The following FHIT variants were observed in gnomAD, a reference collection of about 807,000 sequenced individuals.
FHIT encodes the protein bis(5'-adenosyl)-triphosphatase.
Under a neutral mutation model 17.9 loss-of-function variants are expected in FHIT, and 19 were observed. The observed-to-expected ratio is 1.06, with a 90% confidence interval of 0.74 to 1.56. The LOEUF is 1.56. FHIT is among the 40% of genes most tolerant of loss of function. The pLI, the probability that FHIT is intolerant of heterozygous loss-of-function variation, is 0.00. For synonymous variants in FHIT, 81 were observed against 69.7 expected (o/e 1.16, Z -0.81); for missense variants, 248 against 189.2 (o/e 1.31, Z -1.82).
chr3:61,126,047 A>G (rs898548077), intron 2 of FHIT, among the ~76,000 whole-genome samples: 2 of 152,140 alleles, frequency 1.3e-5, no homozygotes, highest in African/African-American at 4.8e-5. Flanking sequence ...AACAGTGTGG[A>G]GCTGGGGCTG....
At chr3:60,271,780 A>G (rs977918865) in intron 5 of FHIT, among the ~76,000 whole-genome samples, 5 of 152,210 alleles carry the variant, frequency 3.3e-5, no homozygotes, top group Admixed American at 1.3e-4. Flanking sequence ...TGCAGACTCA[A>G]CATGGCATAA....
At chr3:60,223,893 C>T (rs773965250) in intron 5 of FHIT, among the ~76,000 whole-genome samples, 220 of 152,188 alleles carry the variant, frequency 1.4e-3, no homozygotes, top group Non-Finnish European at 2.7e-3. Flanking sequence ...ATTCTCAAAG[C>T]GGAGTCAAGT....
intron 4 of FHIT, among the ~76,000 whole-genome samples, chr3:60,647,920 T>C (rs1553687202): frequency 6.6e-6 from 1 of 152,094 alleles, no homozygotes; most frequent in African/African-American, 2.4e-5. Context: ...TTATAATCAA[T>C]GCAATAATAG....
At chr3:59,811,970 C>T (rs143173329) in intron 8 of FHIT, among the ~76,000 whole-genome samples, 4 of 152,268 alleles carry the variant, frequency 2.6e-5, no homozygotes, top group Admixed American at 6.5e-5. Context: ...CATCCTACCC[C>T]GTGGCAGCTC....
chr3:61,192,969 G>A (rs1429763203), intron 2 of FHIT, among the ~76,000 whole-genome samples: 2 of 151,988 alleles, frequency 1.3e-5, no homozygotes, highest in African/African-American at 2.4e-5. Flanking sequence ...GTTCCCTTTC[G>A]CATCTCAAAA....
At chr3:60,643,886 G>A (rs1206903651) in intron 4 of FHIT, among the ~76,000 whole-genome samples, 2 of 152,144 alleles carry the variant, frequency 1.3e-5, no homozygotes, top group Admixed American at 6.5e-5. Flanking sequence ...ATTTGTGAGG[G>A]TAACTATGAG....
At position 60,244,721 on chromosome 3, in the gene FHIT, C is replaced by G. The variant is rs116701191; in HGVS notation, c.104-230569G>C. Among the ~76,000 whole-genome samples, 1,153 of 152,180 alleles carry G rather than the reference C, an allele frequency of 7.6e-3. 10 individuals carry two copies. The highest frequency in any genetic ancestry group is 0.026 in the African/African-American group (1,076 of 41,532). On this transcript the variant is annotated intron_variant, in intron 5 of 9. Transcript: ENST00000492590. The stretch of plus-strand genomic sequence containing the variant: ...CCACACGTGTTGCTTGTTTATGAGA[C>G]AGAGACTACAAACATCTTGAATGGG...
intron 5 of FHIT, among the ~76,000 whole-genome samples, chr3:60,043,289 A>G (rs1701518283): frequency 6.6e-6 from 1 of 152,236 alleles, no homozygotes; most frequent in Non-Finnish European, 1.5e-5. Flanking sequence ...AATACTTTTA[A>G]TATAATTCTG....
intron 8 of FHIT, among the ~76,000 whole-genome samples, chr3:59,778,815 AG>A (rs1702446418): frequency 6.6e-6 from 1 of 152,180 alleles, no homozygotes; most frequent in African/African-American, 2.4e-5. Context: ...ATTTACCTTA[AG>A]TTTTCTAAAG....
At chr3:60,928,701 C>T (rs372534088) in intron 3 of FHIT, among the ~76,000 whole-genome samples, 5 of 151,932 alleles carry the variant, frequency 3.3e-5, no homozygotes, top group Admixed American at 6.6e-5. Flanking sequence ...CAATAACAGG[C>T]TCTGAAATTG....
intron 4 of FHIT, among the ~76,000 whole-genome samples, chr3:60,611,604 T>C (rs1223636769): frequency 2.0e-5 from 3 of 152,168 alleles, no homozygotes; most frequent in Non-Finnish European, 4.4e-5. Flanking sequence ...GTTGTTTACA[T>C]AGTATTTTGC....
intron 2 of FHIT, among the ~76,000 whole-genome samples, chr3:61,135,922 A>G (rs1451102595): frequency 6.6e-6 from 1 of 152,220 alleles, no homozygotes; most frequent in Non-Finnish European, 1.5e-5. Context: ...GGGAAAAACT[A>G]AAAGCATCTA....
At chr3:60,309,995 C>T (rs1041620046) in intron 5 of FHIT, among the ~76,000 whole-genome samples, 8 of 152,088 alleles carry the variant, frequency 5.3e-5, no homozygotes, top group Non-Finnish European at 8.8e-5. Context: ...GACAAGGACA[C>T]GTCTTCACAG....
intron 7 of FHIT, among the ~76,000 whole-genome samples, chr3:59,950,078 T>C (rs13063413): frequency 0.33 from 50,274 of 152,064 alleles, 10,159 homozygotes; most frequent in East Asian, 0.53. Context: ...TGGGTCTTAA[T>C]GTCCTTATTG....
At chr3:60,321,060 C>A (rs6786355) in intron 5 of FHIT, among the ~76,000 whole-genome samples, 2,519 of 152,246 alleles carry the variant, frequency 0.017, 54 homozygotes, top group African/African-American at 0.057. Context: ...ATCACAGATA[C>A]CGAAAACATG....
intron 1 of FHIT, among the ~76,000 whole-genome samples, chr3:61,206,752 T>C (rs968481226): frequency 6.6e-6 from 1 of 152,060 alleles, no homozygotes; most frequent in Non-Finnish European, 1.5e-5. Flanking sequence ...TATACAATCA[T>C]GTCATCTGCA....
At chr3:60,971,360 T>C (rs1709999168) in intron 3 of FHIT, among the ~76,000 whole-genome samples, 1 of 152,148 alleles carries the variant, frequency 6.6e-6, no homozygotes, top group African/African-American at 2.4e-5. Flanking sequence ...AAATAATGCA[T>C]AATACCATCA....
intron 4 of FHIT, among the ~76,000 whole-genome samples, chr3:60,613,374 G>A (rs554335270): frequency 4.6e-5 from 7 of 152,280 alleles, no homozygotes; most frequent in African/African-American, 1.7e-4. Context: ...AAGTGTGGCA[G>A]TGCAGTGAGA....
chr3:60,600,913 G>C (rs1553668569), intron 4 of FHIT, among the ~76,000 whole-genome samples: 2 of 152,140 alleles, frequency 1.3e-5, no homozygotes, highest in African/African-American at 4.8e-5. Context: ...CAACAGCCCT[G>C]CACCAAGCAT....
Sources: allele counts gnomAD v4.1 joint callset (sites outside exome capture counted in the v4.1 genomes callset), GRCh38; gene constraint gnomAD v4.1.1; transcripts MANE v1.5; gene names NCBI Gene and HGNC (gene_info 2026-07-23, HGNC 2026-07-21).